SGO2: variants seen among roughly 807,000 people sequenced by gnomAD.
The protein encoded by SGO2 is shugoshin-like 2.
A neutral mutation model predicts 99.5 loss-of-function variants in SGO2; 68 were observed. The observed-to-expected ratio is 0.68, with a 90% CI of 0.56 to 0.84. The LOEUF (loss-of-function observed/expected upper bound fraction) is 0.84, where lower values mean the gene tolerates loss of function less well. SGO2 is among the 40% of genes least tolerant of loss of function. The pLI is 0.00. For missense variants in SGO2, 1,350 were observed against 1,436.7 expected (o/e 0.94, Z 0.97); for synonymous variants, 457 against 487.1 (o/e 0.94, Z 0.81).
intron 5 of SGO2, among the ~76,000 whole-genome samples, chr2:200,548,955 T>C (rs112883453): frequency 3.3e-5 from 5 of 152,182 alleles, no homozygotes; most frequent in African/African-American, 7.2e-5. Flanking sequence ...ATAAAAACTC[T>C]CCCATTGAAG....
chr2:200,576,085 A>AC, intron 8 of SGO2: 1 of 404,334 alleles, frequency 2.5e-6, no homozygotes, highest in South Asian at 1.8e-5. Flanking sequence ...TCTTAGCAAA[A>AC]CTAGACAACA....
intron 5 of SGO2, among the ~76,000 whole-genome samples, chr2:200,556,128 C>T (rs993613964): frequency 2.6e-5 from 4 of 152,116 alleles, no homozygotes; most frequent in East Asian, 1.9e-4. Context: ...CCAAGCCTGG[C>T]TAATTTTTGT....
chr2:200,559,671 C>T (rs1467305966), intron 5 of SGO2, among the ~76,000 whole-genome samples: 1 of 152,074 alleles, frequency 6.6e-6, no homozygotes, highest in Non-Finnish European at 1.5e-5. Flanking sequence ...AATGATCCTC[C>T]TGCTTTAGCC....
intron 8 of SGO2, among the ~76,000 whole-genome samples, chr2:200,576,724 G>T (rs2033679297): frequency 6.6e-6 from 1 of 152,118 alleles, no homozygotes; most frequent in South Asian, 2.1e-4. Flanking sequence ...CCAATTCTAG[G>T]CAACCACTAA....
At chr2:200,550,904 C>A (rs1434102379) in intron 5 of SGO2, among the ~76,000 whole-genome samples, 2 of 151,142 alleles carry the variant, frequency 1.3e-5, no homozygotes, top group Admixed American at 6.6e-5. Context: ...AGAGACAACC[C>A]ATATAATGTG....
chr2:200,562,673 T>C (rs1261150429), intron 5 of SGO2, among the ~76,000 whole-genome samples: 4 of 152,238 alleles, frequency 2.6e-5, no homozygotes, highest in Non-Finnish European at 5.9e-5. Context: ...ACAATATTGA[T>C]TCTTCCTACC....
chr2:200,528,136 A>G (rs1559195046), intron 1 of SGO2, among the ~76,000 whole-genome samples: 1 of 152,246 alleles, frequency 6.6e-6, no homozygotes, highest in African/African-American at 2.4e-5. Flanking sequence ...GGGGAAGAGA[A>G]GTGTCAAATT....
At chr2:200,559,764 A>G (rs1288184303) in intron 5 of SGO2, among the ~76,000 whole-genome samples, 2 of 152,118 alleles carry the variant, frequency 1.3e-5, no homozygotes. Flanking sequence ...TATTTAGTTC[A>G]AGATTTTTTT....
intron 5 of SGO2, among the ~76,000 whole-genome samples, chr2:200,558,135 T>C (rs1232081264): frequency 6.6e-6 from 1 of 152,190 alleles, no homozygotes; most frequent in Non-Finnish European, 1.5e-5. Flanking sequence ...AATGCTGGGA[T>C]TACAGGTGTG....
intron 4 of SGO2, among the ~76,000 whole-genome samples, chr2:200,537,424 C>T (rs1290249823): frequency 6.6e-6 from 1 of 152,158 alleles, no homozygotes; most frequent in Non-Finnish European, 1.5e-5. Flanking sequence ...TGATCCCAAG[C>T]CAATTGGGTT....
chr2:200,561,594 A>T (rs2032972747), intron 5 of SGO2, among the ~76,000 whole-genome samples: 2 of 152,216 alleles, frequency 1.3e-5, no homozygotes, highest in African/African-American at 4.8e-5. Context: ...TGGCTGGGTC[A>T]AATGGTATTT....
intron 5 of SGO2, among the ~76,000 whole-genome samples, chr2:200,553,145 C>G (rs531690523): frequency 1.3e-5 from 2 of 152,138 alleles, no homozygotes; most frequent in Non-Finnish European, 2.9e-5. Context: ...CTCTTGAGTT[C>G]TGACAAAAGG....
intron 2 of SGO2, among the ~76,000 whole-genome samples, chr2:200,533,849 C>T (rs1185797357): frequency 6.6e-6 from 1 of 152,126 alleles, no homozygotes; most frequent in Non-Finnish European, 1.5e-5. Context: ...ATGCAGCTCC[C>T]ACCTAGGTCT....
At position 200,572,496 on chromosome 2, in the gene SGO2, A is replaced by T; in HGVS notation, c.2150A>T (p.Asn717Ile). ...AATAAGAAGCTTAGGCAGAAAGTAA[A>T]TCGGAAGACAGAAATAATTTCTGAA... ...KVNKKLRQKVNRKTEIISEVN... is the reference protein window; with the variant it reads ...KVNKKLRQKVIRKTEIISEVN... Residue 717 changes from asparagine (N) to isoleucine (I), a missense_variant, in exon 7 of 9, where the codon AAT (asparagine) becomes ATT (isoleucine). Asn to Ile is a moderately radical substitution (Grantham distance 149, BLOSUM62 -3). Coordinates refer to ENST00000357799, the MANE Select transcript of SGO2 (RefSeq NM_152524.6). 6.2e-7 allele frequency: 1 copy of T among 1,612,924 alleles called. No homozygotes were observed. Among genetic ancestry groups the T allele is most frequent in the African/African-American group, 1.3e-5 (1 of 75,000 alleles).
chr2:200,535,157 AAGCTAAAT>A lies in SGO2; in HGVS notation c.297_304del (p.Asn101GlufsTer2), dbSNP rs1369445447. On this transcript the variant is annotated frameshift_variant, in exon 3 of 9. Coordinates refer to ENST00000357799, the MANE Select transcript of SGO2 (RefSeq NM_152524.6). LOFTEE classifies it high-confidence loss of function. ...TTTTGAGAACACATTTCTTCGCCTA[AAGCTAAAT>A]AACTTGGTATGTAAGCTATATTGTT... The A allele has an allele frequency of 6.6e-7, 1 of 1,525,746 alleles. No homozygotes were observed. The highest frequency in any genetic ancestry group is 1.3e-5 in the South Asian group (1 of 77,108). The allele number at this position is 1,525,746 out of a possible 1,614,324, so 94.5% of individuals were successfully genotyped here.
chr2:200,550,640 A>C (rs1263227541), intron 5 of SGO2, among the ~76,000 whole-genome samples: 1 of 152,214 alleles, frequency 6.6e-6, no homozygotes, highest in Admixed American at 6.5e-5. Context: ...TATATGCAGA[A>C]GAATGAAACT....
chr2:200,531,704 T>G (rs2031389900), intron 1 of SGO2: 2 of 152,294 alleles, frequency 1.3e-5, no homozygotes, highest in African/African-American at 4.8e-5. Flanking sequence ...TTAAAACAAC[T>G]GAAATGTATT....
intron 8 of SGO2, among the ~76,000 whole-genome samples, chr2:200,577,348 G>A (rs2106351544): frequency 6.6e-6 from 1 of 152,280 alleles, no homozygotes; most frequent in East Asian, 1.9e-4. Flanking sequence ...TGCCTGTTGA[G>A]ATCCTTTGCC....
At chr2:200,530,387 G>A (rs1442489871) in intron 1 of SGO2, among the ~76,000 whole-genome samples, 13 of 152,234 alleles carry the variant, frequency 8.5e-5, no homozygotes, top group Non-Finnish European at 1.6e-4. Context: ...AAAATGCTCT[G>A]AGTGAAGCAG....
Sources: gnomAD v4.1 joint callset for allele counts (sites outside exome capture counted in the v4.1 genomes callset) on GRCh38, gnomAD v4.1.1 for gene constraint, MANE v1.5 for transcripts, NCBI Gene and HGNC (gene_info 2026-07-23, HGNC 2026-07-21) for gene names.